CR1L: variants seen among roughly 807,000 people sequenced by gnomAD.
The protein encoded by CR1L is complement C3b/C4b receptor 1 like.
In CR1L, 59 loss-of-function variants were observed where a neutral mutation model predicts 62.3. The ratio of observed to expected loss-of-function variants is 0.95; its 90% CI spans 0.77 to 1.18. The LOEUF (loss-of-function observed/expected upper bound fraction) is 1.18. Among genes scored for constraint, CR1L ranks in the 50% most tolerant of loss-of-function variants. The pLI, the probability that CR1L is intolerant of heterozygous loss-of-function variation, is 0.00. For missense variants in CR1L, 700 were observed against 702.8 expected (o/e 1.00, Z 0.04); for synonymous variants, 279 against 248.7 (o/e 1.12, Z -1.15).
intron 10 of CR1L, among the ~76,000 whole-genome samples, chr1:207,711,954 C>G (rs184023004): frequency 6.6e-6 from 1 of 151,888 alleles, no homozygotes; most frequent in Non-Finnish European, 1.5e-5. Context: ...GTAATTGAAG[C>G]GGGCTTACAG....
intron 9 of CR1L, among the ~76,000 whole-genome samples, chr1:207,703,278 A>T (rs1664220237): frequency 6.6e-6 from 1 of 152,238 alleles, no homozygotes; most frequent in African/African-American, 2.4e-5. Flanking sequence ...TCAAAGCTTC[A>T]AAGGATAGGC....
In CR1L at chr1:207,717,587, C is replaced by A. The variant is rs1654033574; in HGVS notation, c.1538C>A (p.Thr513Asn). Residue 513 changes from threonine (T) to asparagine (N), a missense_variant, in exon 11 of 12, where the codon ACC (threonine) becomes AAC (asparagine). Physicochemically the swap from Thr to Asn is moderately conservative, Grantham distance 65. Transcript: ENST00000508064. ...TCDPHPDRGM[T>N]FNLIGESTIR... ...GACCCCCACCCAGACAGAGGGATGACCTTCAACCTCATTGGGGAGAGCACC... is the reference window on the plus strand; with the variant it reads ...GACCCCCACCCAGACAGAGGGATGAACTTCAACCTCATTGGGGAGAGCACC... 3.1e-6 allele frequency: 5 copies of A among 1,613,844 alleles called. No individual in the cohort carries two copies. Among genetic ancestry groups the A allele is most frequent in the South Asian group, 1.1e-5 (1 of 91,076 alleles).
chr1:207,683,448 A>G (rs1474481384), intron 3 of CR1L, among the ~76,000 whole-genome samples: 1 of 152,042 alleles, frequency 6.6e-6, no homozygotes, highest in South Asian at 2.1e-4. Context: ...ACTTAGATGA[A>G]TCTTACTGAT....
chr1:207,718,116 A>G (rs1654047910), intron 11 of CR1L, among the ~76,000 whole-genome samples: 1 of 152,244 alleles, frequency 6.6e-6, no homozygotes, highest in African/African-American at 2.4e-5. Context: ...AACGCTATAA[A>G]AGTAATTTAA....
intron 4 of CR1L, among the ~76,000 whole-genome samples, chr1:207,692,847 T>C (rs1470604781): frequency 6.6e-5 from 10 of 152,168 alleles, no homozygotes; most frequent in Admixed American, 5.9e-4. Context: ...AGGTTTTCTC[T>C]ATCATAAAGA....
chr1:207,682,569 C>G (rs774925999), intron 3 of CR1L, among the ~76,000 whole-genome samples: 50 of 152,320 alleles, frequency 3.3e-4, no homozygotes, highest in Non-Finnish European at 6.2e-4. Context: ...GAAGGACCCA[C>G]TGTTGTCTCA....
At chr1:207,695,662 G>A (rs1664067707) in intron 5 of CR1L, among the ~76,000 whole-genome samples, 2 of 152,168 alleles carry the variant, frequency 1.3e-5, no homozygotes, top group South Asian at 2.1e-4. Flanking sequence ...CTGAGACTGG[G>A]TAATTTATAA....
At chr1:207,703,763 T>C (rs943093943) in intron 9 of CR1L, among the ~76,000 whole-genome samples, 5 of 152,204 alleles carry the variant, frequency 3.3e-5, no homozygotes, top group African/African-American at 1.2e-4. Context: ...AAGACCAGCC[T>C]GGCCAACATA....
At chr1:207,691,679 A>G (rs1663998093) in intron 4 of CR1L, among the ~76,000 whole-genome samples, 1 of 152,126 alleles carries the variant, frequency 6.6e-6, no homozygotes, top group South Asian at 2.1e-4. Flanking sequence ...TTAAATCACT[A>G]CTCTAGAGAC....
intron 3 of CR1L, among the ~76,000 whole-genome samples, chr1:207,678,804 T>C (rs1252108166): frequency 1.3e-5 from 2 of 152,124 alleles, no homozygotes; most frequent in African/African-American, 4.8e-5. Context: ...GCCAGATCCA[T>C]AGCCATGCTC....
At chr1:207,718,722 T>C (rs534071184) in intron 11 of CR1L, among the ~76,000 whole-genome samples, 2 of 152,168 alleles carry the variant, frequency 1.3e-5, no homozygotes, top group South Asian at 4.1e-4. Flanking sequence ...GTGCTGACTT[T>C]TTTGACCTGT....
At chr1:207,718,112 A>G (rs1370605991) in intron 11 of CR1L, among the ~76,000 whole-genome samples, 2 of 152,238 alleles carry the variant, frequency 1.3e-5, no homozygotes, top group African/African-American at 2.4e-5. Flanking sequence ...TGATAACGCT[A>G]TAAAAGTAAT....
At position 207,694,628 on chromosome 1, in the gene CR1L, T is replaced by A. The variant is rs551098659; in HGVS notation, c.739T>A (p.Leu247Ile). Residue 247 changes from leucine (L) to isoleucine (I), a missense_variant, in exon 5 of 12, where the codon TTA becomes ATA. Leu to Ile is a conservative substitution (Grantham distance 5). Coordinates refer to ENST00000508064, the MANE Select transcript of CR1L (RefSeq NM_175710.2). Reference protein sequence around the residue: ...NGILVSDNRSLFSLNEVVEFR... With the variant: ...NGILVSDNRSIFSLNEVVEFR... ...AATATTGGTATCTGACAACAGAAGCTTATTTTCCTTAAATGAAGTTGTGGA... is the reference window on the plus strand; with the variant it reads ...AATATTGGTATCTGACAACAGAAGCATATTTTCCTTAAATGAAGTTGTGGA... 1.1e-5 allele frequency: 18 copies of A among 1,611,882 alleles called. No individual in the cohort carries two copies. The East Asian group carries it at 3.1e-4, about 28-fold the overall frequency.
chr1:207,689,451 A>C (rs1663964354), intron 4 of CR1L, among the ~76,000 whole-genome samples: 1 of 152,104 alleles, frequency 6.6e-6, no homozygotes, highest in African/African-American at 2.4e-5. Context: ...AAAATCAGTC[A>C]AGGTAAACCT....
intron 1 of CR1L, chr1:207,669,026 A>G (rs1166264512): frequency 9.6e-6 from 2 of 208,442 alleles, no homozygotes; most frequent in Admixed American, 5.7e-5. Context: ...CCTTCAACAC[A>G]GAGAGCAGGC....
chr1:207,665,078 G>T (rs1220761096), intron 1 of CR1L, among the ~76,000 whole-genome samples: 1 of 152,096 alleles, frequency 6.6e-6, no homozygotes, highest in African/African-American at 2.4e-5. Flanking sequence ...TTTTGAGACG[G>T]AGTCTTGCTC....
At chr1:207,716,509 T>C (rs561959001) in intron 10 of CR1L, among the ~76,000 whole-genome samples, 1 of 152,322 alleles carries the variant, frequency 6.6e-6, no homozygotes, top group East Asian at 1.9e-4. Context: ...TTAAACCTTT[T>C]TTTTCTTATT....
chr1:207,686,827 T>C (rs1198449956), intron 4 of CR1L, among the ~76,000 whole-genome samples: 1 of 152,078 alleles, frequency 6.6e-6, no homozygotes, highest in Non-Finnish European at 1.5e-5. Context: ...TGGAAGGTGA[T>C]GAGATCATGA....
intron 1 of CR1L, among the ~76,000 whole-genome samples, chr1:207,664,384 G>T (rs995689951): frequency 1.3e-5 from 2 of 152,078 alleles, no homozygotes; most frequent in African/African-American, 4.8e-5. Flanking sequence ...AAGGATCTAG[G>T]GGAATTATGC....
Sources: gnomAD v4.1 joint callset for allele counts (sites outside exome capture counted in the v4.1 genomes callset) on GRCh38, gnomAD v4.1.1 for gene constraint, MANE v1.5 for transcripts, NCBI Gene and HGNC (gene_info 2026-07-23, HGNC 2026-07-21) for gene names.